Variants in ZFYVE26 observed in about 807,000 individuals in gnomAD.
The protein encoded by ZFYVE26 is zinc finger FYVE-type containing 26, also known as zinc finger FYVE domain-containing protein 26.
Under a neutral mutation model 276.5 loss-of-function variants are expected in ZFYVE26, and 181 were observed. That is an observed-to-expected ratio of 0.65 (90% CI 0.58 to 0.74). The LOEUF (loss-of-function observed/expected upper bound fraction) is 0.74, where lower values mean the gene tolerates loss of function less well. ZFYVE26 is among the 30% of genes least tolerant of loss of function. The probability of loss-of-function intolerance (pLI) is 0.00; values close to 1 mark genes in which losing one functional copy is unlikely to be tolerated. For synonymous variants in ZFYVE26, 1,129 were observed against 1,203.1 expected, an observed-to-expected ratio of 0.94 and a Z score of 1.27; for missense variants, 2,821 against 3,097.9, an observed-to-expected ratio of 0.91 and a Z score of 2.12.
chr14:67,779,974 C>T (rs2039452722), intron 23 of ZFYVE26, among the ~76,000 whole-genome samples: 1 of 152,122 alleles, frequency 6.6e-6, no homozygotes, highest in African/African-American at 2.4e-5. Context: ...TGGGTTCACG[C>T]CATTCTCCTA....
chr14:67,785,538 G>C (rs911120349), intron 18 of ZFYVE26, among the ~76,000 whole-genome samples: 5 of 152,170 alleles, frequency 3.3e-5, no homozygotes, highest in Middle Eastern at 3.4e-3. Context: ...CTTGTCTCTG[G>C]GGTGGAACAA....
At chr14:67,781,985 C>T (rs2039512459) in intron 21 of ZFYVE26, among the ~76,000 whole-genome samples, 1 of 152,246 alleles carries the variant, frequency 6.6e-6, no homozygotes, top group South Asian at 2.1e-4. Flanking sequence ...ACTTAGATCT[C>T]TCTCTTCCAC....
rs182128125 is a variant in ZFYVE26 at position 67,803,434 on chromosome 14, C to T, written c.1435+667G>A. Among the ~76,000 whole-genome samples, 766 of 152,216 alleles carry T rather than the reference C, an allele frequency of 5.0e-3. 2 individuals carry two copies. Among genetic ancestry groups the T allele is most frequent in the Middle Eastern group, 0.017 (5 of 294 alleles). On this transcript the variant is annotated intron_variant, in intron 9 of 41. Coordinates refer to ENST00000347230, the MANE Select transcript of ZFYVE26 (RefSeq NM_015346.4). ...TTGGCTGACTGCAACCTCCACCTCCCGGGTTCAAGTGATTCTCCTGCCTCA... is the reference window on the plus strand; with the variant it reads ...TTGGCTGACTGCAACCTCCACCTCCTGGGTTCAAGTGATTCTCCTGCCTCA...
In ZFYVE26 at chr14:67,806,701, A is replaced by G; in HGVS notation, c.887-26T>C. ...CTGAACATCAAACAAGACGGTTATC[A>G]GGAAACCAAGAACTCTTCTTTTCTA... On this transcript the variant is annotated intron_variant, in intron 5 of 41. Coordinates refer to ENST00000347230, the MANE Select transcript of ZFYVE26 (RefSeq NM_015346.4). 1.9e-6 allele frequency: 3 copies of G among 1,613,836 alleles called. No homozygotes were observed. In the South Asian group the frequency reaches 3.3e-5, roughly 18 times the overall value.
intron 11 of ZFYVE26, 75 bp from the exon 12 acceptor site, chr14:67,797,830 T>A (rs1227276926): frequency 6.3e-7 from 1 of 1,595,554 alleles, no homozygotes; most frequent in Admixed American, 1.7e-5. Context: ...CATAACAGGT[T>A]GGGGAAGGTT....
intron 29 of ZFYVE26, among the ~76,000 whole-genome samples, chr14:67,769,182 T>G (rs1384481576): frequency 6.6e-6 from 1 of 152,224 alleles, no homozygotes; most frequent in Non-Finnish European, 1.5e-5. Flanking sequence ...CAAGAATGAC[T>G]ACCTAGATCA....
chr14:67,772,308 A>C, intron 27 of ZFYVE26, 98 bp from the exon 28 acceptor site: 1 of 1,341,286 alleles, frequency 7.5e-7, no homozygotes, highest in Non-Finnish European at 1.0e-6. Flanking sequence ...ACAAACCGTT[A>C]TTGAAAGAAT....
At chr14:67,791,454 T>C (rs2039810838) in intron 14 of ZFYVE26, among the ~76,000 whole-genome samples, 1 of 152,164 alleles carries the variant, frequency 6.6e-6, no homozygotes, top group Non-Finnish European at 1.5e-5. Context: ...GATATAAAGT[T>C]TTAGATTTGA....
chr14:67,735,651 G>T (rs2038343922), intron 13 of ZFYVE26, among the ~76,000 whole-genome samples: 3 of 152,210 alleles, frequency 2.0e-5, no homozygotes, highest in African/African-American at 7.2e-5. Flanking sequence ...GATTTCAGTT[G>T]TTCCAGACTT....
downstream of ZFYVE26, among the ~76,000 whole-genome samples, chr14:67,746,096 C>A (rs1292915175): frequency 6.6e-6 from 1 of 152,048 alleles, no homozygotes; most frequent in Non-Finnish European, 1.5e-5. Flanking sequence ...AAATGTCCAT[C>A]ATTAGAAACT....
chr14:67,764,146 A>T (rs922175916), intron 32 of ZFYVE26, among the ~76,000 whole-genome samples: 2 of 152,138 alleles, frequency 1.3e-5, no homozygotes, highest in African/African-American at 4.8e-5. Flanking sequence ...GGGCTGGATT[A>T]TACTGTCTAG....
rs761795382 is a variant in ZFYVE26 at position 67,797,702 on chromosome 14, G to C, written c.2302C>G (p.Arg768Gly). The C allele has an allele frequency of 6.2e-7, 1 of 1,614,192 alleles. No homozygotes were observed. The highest frequency in any genetic ancestry group is 8.5e-7 in the Non-Finnish European group (1 of 1,180,040). The change falls in exon 12 of 42, where the codon CGG (arginine) becomes GGG (glycine). Residue 768 changes from arginine to glycine, a missense_variant. Arg to Gly is a moderately radical substitution (Grantham distance 125). Transcript: ENST00000347230. ...TGGCTCCTTCTTGTCCGACGACCCC[G>C]GCGGAGACTGGGGTGACGTGTGGCA... ...QPATRHPSLRRGRRTRRSQAD... is the reference protein window; with the variant it reads ...QPATRHPSLRGGRRTRRSQAD...
intron 18 of ZFYVE26, 147 bp downstream of exon 18, chr14:67,785,711 G>C: frequency 2.8e-6 from 3 of 1,066,948 alleles, no homozygotes; most frequent in South Asian, 2.5e-5. Flanking sequence ...TAAGTTACGA[G>C]ACATTGAGAC....
At chr14:67,741,548 G>A (rs2038415251), downstream of ZFYVE26, among the ~76,000 whole-genome samples, 1 of 152,106 alleles carries the variant, frequency 6.6e-6, no homozygotes, top group Admixed American at 6.5e-5. Flanking sequence ...GCCCTAACTA[G>A]CATCTACCAT....
intron 13 of ZFYVE26, chr14:67,735,149 GT>G (rs2038336904): frequency 3.4e-6 from 3 of 890,262 alleles, no homozygotes; most frequent in Non-Finnish European, 5.8e-6. Context: ...TCGACATGTT[GT>G]TGGCATTTTC....
rs773268804 is a variant in ZFYVE26, at chr14:67,767,709, C to T, written c.5785G>A (p.Glu1929Lys). ...TTGCATTTTATTGCTATTACCTGCT[C>T]ATAGTAAAATTCACTCCGCACCAGC... is the stretch of plus-strand genomic sequence containing the variant. ...NELVRSEFYYEQAPSASLCIA... is the reference protein window; with the variant it reads ...NELVRSEFYYKQAPSASLCIA... Residue 1929 changes from glutamate to lysine, a missense_variant, in exon 31 of 42, where the codon GAG becomes AAG. Physicochemically the swap from Glu to Lys is moderately conservative, Grantham distance 56. Coordinates refer to ENST00000347230, the MANE Select transcript of ZFYVE26 (RefSeq NM_015346.4). 1 of 1,614,152 alleles carries T rather than the reference C, an allele frequency of 6.2e-7. No homozygotes were observed. Among genetic ancestry groups the T allele is most frequent in the Non-Finnish European group, 8.5e-7 (1 of 1,180,032 alleles).
chr14:67,738,921 A>G (rs1374316560), intron 13 of ZFYVE26, among the ~76,000 whole-genome samples: 7 of 152,194 alleles, frequency 4.6e-5, no homozygotes, highest in Non-Finnish European at 1.0e-4. Context: ...TTAAGATGCC[A>G]AAGTCCAGGC....
rs1042305567 is a variant in ZFYVE26, at chr14:67,738,387, T to C, written n.2680-8568A>G. On this transcript the variant is annotated intron_variant and non_coding_transcript_variant, in intron 13 of 14. Transcript: ENST00000394455. ...TACTTATAAATATATACTTATAAAA[T>C]ATATACTTATAGAAATATACTTATA... is the stretch of plus-strand genomic sequence containing the variant. 5.4e-5 allele frequency among the ~76,000 whole-genome samples: 8 copies of C among 148,424 alleles called. No homozygotes were observed. In the Admixed American group the frequency reaches 5.4e-4, roughly 10 times the overall value.
chr14:67,732,021 G>A (rs776094236), intron 13 of ZFYVE26, among the ~76,000 whole-genome samples: 95 of 151,652 alleles, frequency 6.3e-4, no homozygotes, highest in Non-Finnish European at 1.3e-3. Flanking sequence ...CAGCCACTCA[G>A]GAGGCTGAGG....
Sources: allele counts gnomAD v4.1 joint callset (sites outside exome capture counted in the v4.1 genomes callset), GRCh38; gene constraint gnomAD v4.1.1; transcripts MANE v1.5; gene names NCBI Gene and HGNC (gene_info 2026-07-23, HGNC 2026-07-21).